KLF12: variants seen among roughly 807,000 people sequenced by gnomAD.
KLF12 encodes the protein Krueppel-like factor 12.
Under a neutral mutation model 37.8 loss-of-function variants are expected in KLF12, and 9 were observed. The ratio of observed to expected loss-of-function variants is 0.24; its 90% CI spans 0.14 to 0.42. The LOEUF (loss-of-function observed/expected upper bound fraction) is 0.42, where lower values mean the gene tolerates loss of function less well. Among genes scored for constraint, KLF12 ranks in the 10% least tolerant of loss-of-function variants. The pLI, the probability that KLF12 is intolerant of heterozygous loss-of-function variation, is 1.00. For synonymous variants in KLF12, 208 were observed against 202.1 expected, an observed-to-expected ratio of 1.03 and a Z score of -0.25; for missense variants, 411 against 516.0, an observed-to-expected ratio of 0.80 and a Z score of 1.97.
rs1421506968 is a variant in KLF12, at chr13:73,746,854, G to A, written c.869+18084C>T. On this transcript the variant is annotated intron_variant, in intron 6 of 7. Coordinates refer to ENST00000377669, the MANE Select transcript of KLF12 (RefSeq NM_007249.5). ...TTGAGATGGAGTCTCTTGCTCTGTC[G>A]CCCAGGCTGGAGTGCAATGGCACAA... Among the ~76,000 whole-genome samples, 37 of 123,516 alleles carry A rather than the reference G, an allele frequency of 3.0e-4. 1 individual carries two copies. Among genetic ancestry groups the A allele is most frequent in the Non-Finnish European group, 5.2e-4 (33 of 63,842 alleles). 81.0% of individuals were successfully genotyped at this position (123,516 alleles called of 152,430 possible).
At chr13:74,148,403 C>CTTTTTTTTTTT in the KLF12 span, among the ~76,000 whole-genome samples, 3 of 73,484 alleles carry the variant, frequency 4.1e-5, 1 homozygote, top group Non-Finnish European at 2.4e-5. Context: ...CAAAACTGCT[C>CTTTTTTTTTTT]TTTTTTTTTT....
In KLF12 at chr13:73,851,689, G is replaced by A. The variant is rs181208128; in HGVS notation, c.124-5316C>T. Reference sequence around the variant, plus strand: ...GGAGCATATTTGTTTCTTGTGTCTTGGTAGAAAATTAGTTTACATAAATTT... The same window carrying A: ...GGAGCATATTTGTTTCTTGTGTCTTAGTAGAAAATTAGTTTACATAAATTT... On this transcript the variant is annotated intron_variant, in intron 3 of 7. Coordinates refer to ENST00000377669, the MANE Select transcript of KLF12 (RefSeq NM_007249.5). Among the ~76,000 whole-genome samples, 3 of 152,128 alleles carry A rather than the reference G, an allele frequency of 2.0e-5. No individual in the cohort carries two copies. In the East Asian group the frequency reaches 5.8e-4, roughly 29 times the overall value.
At chr13:73,699,601 G>A (rs548847610) in intron 7 of KLF12, among the ~76,000 whole-genome samples, 2 of 152,098 alleles carry the variant, frequency 1.3e-5, no homozygotes, top group African/African-American at 4.8e-5. Flanking sequence ...TCTACATTAC[G>A]ATGGTGCCCC....
the KLF12 span, among the ~76,000 whole-genome samples, chr13:74,199,094 C>G: frequency 6.6e-6 from 1 of 152,324 alleles, no homozygotes; most frequent in African/African-American, 2.4e-5. Flanking sequence ...TCTCACAGGA[C>G]AGCCAGAGAC....
the KLF12 span, chr13:74,231,578 G>C: frequency 6.6e-5 from 10 of 152,184 alleles, no homozygotes; most frequent in African/African-American, 2.2e-4. Context: ...ACAAGTTTGG[G>C]AGCCTCCAGC....
chr13:74,209,522 T>TCA, the KLF12 span, among the ~76,000 whole-genome samples: 10,450 of 145,872 alleles, frequency 0.072, 376 homozygotes, highest in African/African-American at 0.091. Context: ...AACATCTTAG[T>TCA]CACACACACA....
chr13:74,106,290 A>G (rs896266638), intron 1 of KLF12, among the ~76,000 whole-genome samples: 1 of 152,220 alleles, frequency 6.6e-6, no homozygotes, highest in African/African-American at 2.4e-5. Flanking sequence ...TTTTAACTGG[A>G]TATCTTAGAC....
chr13:74,055,435 G>A lies in KLF12; in HGVS notation c.-31-60382C>T, dbSNP rs1370511234. On this transcript the variant is annotated intron_variant, in intron 1 of 7. Transcript: ENST00000377669. ...GATTATCTGAGGATGTCTGGAAACT[G>A]TATTTTCTTGGTTCTTTACAAGATG... is the stretch of plus-strand genomic sequence containing the variant. Among the ~76,000 whole-genome samples, 3 of 152,050 alleles carry A rather than the reference G, an allele frequency of 2.0e-5. 1 individual carries two copies. The highest frequency in any genetic ancestry group is 2.9e-5 in the Non-Finnish European group (2 of 68,022).
At chr13:74,167,922 A>C in the KLF12 span, among the ~76,000 whole-genome samples, 1 of 152,254 alleles carries the variant, frequency 6.6e-6, no homozygotes, top group African/African-American at 2.4e-5. Context: ...AGCATGTCTT[A>C]AAAATATGAA....
At chr13:73,849,362 G>C (rs1436202720) in intron 3 of KLF12, among the ~76,000 whole-genome samples, 3 of 116,754 alleles carry the variant, frequency 2.6e-5, no homozygotes, top group African/African-American at 7.1e-5. Flanking sequence ...TTGGGCAACA[G>C]AGGGAGACTC....
the KLF12 span, among the ~76,000 whole-genome samples, chr13:74,222,299 ATGTC>A: frequency 6.6e-6 from 1 of 152,358 alleles, no homozygotes; most frequent in Admixed American, 6.5e-5. Context: ...GTGAAAGCAA[ATGTC>A]TGTATTTTCA....
At chr13:73,897,130 T>C (rs1281227671) in intron 3 of KLF12, among the ~76,000 whole-genome samples, 4 of 152,042 alleles carry the variant, frequency 2.6e-5, no homozygotes, top group Non-Finnish European at 4.4e-5. Context: ...TTCTGAGTTA[T>C]AGTGGAAGGA....
the KLF12 span, among the ~76,000 whole-genome samples, chr13:74,300,049 C>A: frequency 3.0e-4 from 45 of 151,888 alleles, no homozygotes; most frequent in East Asian, 4.9e-3. Flanking sequence ...GAAAAAAAAA[C>A]CATTGTAAAA....
chr13:74,217,627 T>C, the KLF12 span, among the ~76,000 whole-genome samples: 11 of 151,940 alleles, frequency 7.2e-5, no homozygotes, highest in Non-Finnish European at 1.6e-4. Flanking sequence ...CTCAGGAGGC[T>C]GAGGCAGGAG....
the KLF12 span, among the ~76,000 whole-genome samples, chr13:74,260,628 T>TAAAATAAAATAAAATAAAATAAAG: frequency 7.1e-6 from 1 of 139,992 alleles, no homozygotes; most frequent in Admixed American, 7.1e-5. Context: ...TAAAATAAAA[T>TAAAATAAAATAAAATAAAATAAAG]AGTGAATTAA....
At chr13:74,084,387 C>A (rs1195945856) in intron 1 of KLF12, among the ~76,000 whole-genome samples, 1 of 152,160 alleles carries the variant, frequency 6.6e-6, no homozygotes, top group Non-Finnish European at 1.5e-5. Context: ...TCCCCTTGAC[C>A]ATTGTTCTCA....
intron 7 of KLF12, among the ~76,000 whole-genome samples, chr13:73,697,088 AACAC>A (rs10679066): frequency 4.0e-5 from 6 of 149,546 alleles, no homozygotes; most frequent in East Asian, 2.0e-4. Flanking sequence ...ATACAACTGC[AACAC>A]ACACACACAC....
chr13:73,896,529 T>C (rs767744616), intron 3 of KLF12, among the ~76,000 whole-genome samples: 1 of 152,202 alleles, frequency 6.6e-6, no homozygotes, highest in Non-Finnish European at 1.5e-5. Flanking sequence ...ATGTGGTATA[T>C]TCAGCTTTAT....
intron 4 of KLF12, 40 bp downstream of exon 4, chr13:73,845,787 C>G (rs1293362469): frequency 1.3e-6 from 2 of 1,571,696 alleles, no homozygotes; most frequent in Non-Finnish European, 8.7e-7. Context: ...GAAGTCACCT[C>G]TAGTGCTGAA....
Sources: gnomAD v4.1 joint callset for allele counts (sites outside exome capture counted in the v4.1 genomes callset) on GRCh38, gnomAD v4.1.1 for gene constraint, MANE v1.5 for transcripts, NCBI Gene and HGNC (gene_info 2026-07-23, HGNC 2026-07-21) for gene names.